Variants in MSANTD2 observed in about 807,000 individuals in gnomAD.
MSANTD2 encodes myb/SANT-like DNA-binding domain-containing protein 2.
MSANTD2 carries 19 observed loss-of-function variants against 52.6 expected under a neutral mutation model. That is an observed-to-expected ratio of 0.36 (90% CI 0.25 to 0.53). MSANTD2 has a LOEUF of 0.53. Among genes scored for constraint, MSANTD2 ranks in the 20% least tolerant of loss-of-function variants. The pLI, the probability that MSANTD2 is intolerant of heterozygous loss-of-function variation, is 0.91. For missense variants in MSANTD2, 558 were observed against 716.3 expected (o/e 0.78, Z 2.52); for synonymous variants, 291 against 289.7 (o/e 1.00, Z -0.04).
At chr11:124,799,544 G>C (rs980370514) in intron 1 of MSANTD2, among the ~76,000 whole-genome samples, 2 of 152,208 alleles carry the variant, frequency 1.3e-5, no homozygotes, top group East Asian at 3.9e-4. Flanking sequence ...CCCCGGCGGT[G>C]GGGGCAAGAG....
chr11:124,772,742 CAAAAAAAAAAAAAAA>C (rs57859579), intron 3 of MSANTD2, among the ~76,000 whole-genome samples: 2 of 57,926 alleles, frequency 3.5e-5, no homozygotes, highest in African/African-American at 4.2e-5. Context: ...GATTCCGTCT[CAAAAAAAAAAAAAAA>C]AAAAAAAAAA....
At chr11:124,777,560 G>C (rs903175043) in intron 1 of MSANTD2, among the ~76,000 whole-genome samples, 19 of 152,322 alleles carry the variant, frequency 1.2e-4, no homozygotes, top group African/African-American at 4.3e-4. Context: ...GAAACTAGCA[G>C]TATCTAATGG....
At position 124,785,899 on chromosome 11, in the gene MSANTD2, G is replaced by A. The variant is rs548623080; in HGVS notation, c.511-10925C>T. 1.3e-4 allele frequency among the ~76,000 whole-genome samples: 19 copies of A among 151,860 alleles called. 1 individual carries two copies. The highest frequency in any genetic ancestry group is 4.1e-4 in the African/African-American group (17 of 41,454). Reference sequence around the variant, plus strand: ...GAGCTTATCCAAAGTCACTTTCAGTGTCTTTAATGTAAGTTCATCTTTGGT... The same window carrying A: ...GAGCTTATCCAAAGTCACTTTCAGTATCTTTAATGTAAGTTCATCTTTGGT... On this transcript the variant is annotated intron_variant, in intron 1 of 3. Coordinates refer to ENST00000374979, the MANE Select transcript of MSANTD2 (RefSeq NM_001308027.2).
intron 1 of MSANTD2, chr11:124,789,756 G>A (rs899443098): frequency 2.0e-5 from 3 of 152,152 alleles, no homozygotes; most frequent in South Asian, 2.1e-4. Context: ...TAGAACAATC[G>A]GAGGGGAGGG....
intron 3 of MSANTD2, among the ~76,000 whole-genome samples, chr11:124,768,774 A>G (rs946220813): frequency 2.0e-5 from 3 of 152,230 alleles, no homozygotes; most frequent in African/African-American, 7.2e-5. Context: ...ACTGTTCTAG[A>G]AAACCCTTTA....
chr11:124,767,084 G>C lies in MSANTD2; in HGVS notation c.*92C>G, dbSNP rs1409542208. On this transcript the variant is annotated 3_prime_UTR_variant, in exon 4 of 4. Coordinates refer to ENST00000374979, the MANE Select transcript of MSANTD2 (RefSeq NM_001308027.2). The surrounding 1 kb of genome is among the most constrained non-coding windows in gnomAD (Gnocchi z 6.5). ...AAGAAAGGGTTTCCATGAAGAGTCTGACGGCGGCATCTGGATGAGGGGTGG... is the reference window on the plus strand; with the variant it reads ...AAGAAAGGGTTTCCATGAAGAGTCTCACGGCGGCATCTGGATGAGGGGTGG... 1 of 1,279,510 alleles carries C rather than the reference G, an allele frequency of 7.8e-7. No individual in the cohort carries two copies. Among genetic ancestry groups the C allele is most frequent in the African/African-American group, 1.5e-5 (1 of 66,744 alleles). The allele number at this position is 1,279,510 out of a possible 1,614,324, so 79.3% of individuals were successfully genotyped here.
intron 3 of MSANTD2, among the ~76,000 whole-genome samples, chr11:124,769,410 A>G (rs967525973): frequency 4.6e-5 from 7 of 152,194 alleles, no homozygotes; most frequent in Non-Finnish European, 8.8e-5. Context: ...CTCTTCTCAG[A>G]GGAGACAAAA....
chr11:124,793,638 T>C (rs960444346), intron 1 of MSANTD2, among the ~76,000 whole-genome samples: 3 of 152,188 alleles, frequency 2.0e-5, no homozygotes, highest in Non-Finnish European at 4.4e-5. Flanking sequence ...TGGCTAGTAA[T>C]GCCGTACTGG....
At chr11:124,768,717 A>C (rs994148761) in intron 3 of MSANTD2, among the ~76,000 whole-genome samples, 18 of 152,250 alleles carry the variant, frequency 1.2e-4, no homozygotes, top group African/African-American at 4.3e-4. Flanking sequence ...AAAGGCTCAC[A>C]TTAGGCTTAG....
chr11:124,779,642 T>TTA lies in MSANTD2; in HGVS notation c.511-4670_511-4669dup, dbSNP rs1268609106. Among the ~76,000 whole-genome samples the TTA allele has an allele frequency of 6.6e-6, 1 of 152,192 alleles. No individual in the cohort carries two copies. Among genetic ancestry groups the TTA allele is most frequent in the Admixed American group, 6.5e-5 (1 of 15,272 alleles). On this transcript the variant is annotated intron_variant, in intron 1 of 3. Transcript: ENST00000374979. This position sits in a 1 kb window ranked among gnomAD's most constrained non-coding sequence, Gnocchi z 4.6. ...AAAGTCAATCTGCAAGGAGGACAGCTTAGTTATAATAGCAGGAAACAATGT... is the reference window on the plus strand; with the variant it reads ...AAAGTCAATCTGCAAGGAGGACAGCTTATAGTTATAATAGCAGGAAACAATGT...
chr11:124,794,316 T>C (rs752271053), intron 1 of MSANTD2, among the ~76,000 whole-genome samples: 3 of 152,266 alleles, frequency 2.0e-5, no homozygotes, highest in South Asian at 2.1e-4. Context: ...ATGTGCTTCT[T>C]AGCTCCTTTC....
chr11:124,772,898 G>A (rs908411591), intron 3 of MSANTD2, 96 bp downstream of exon 3: 23 of 796,524 alleles, frequency 2.9e-5, no homozygotes, highest in South Asian at 1.8e-4. Flanking sequence ...GTGAATGGCC[G>A]GAACTTTCAT....
In MSANTD2 at chr11:124,800,393, C is replaced by T. The variant is rs1453426900; in HGVS notation, c.-13G>A. The T allele has an allele frequency of 2.0e-6, 3 of 1,478,282 alleles. No individual in the cohort carries two copies. Among genetic ancestry groups the T allele is most frequent in the Non-Finnish European group, 2.7e-6 (3 of 1,111,904 alleles). 91.6% of individuals were successfully genotyped at this position (1,478,282 alleles called of 1,614,324 possible). A position where few individuals can be genotyped will look rare whatever the true frequency, so the allele number is the denominator to read the frequency against. ...AGGGCGCAGCCATCTTCCAAGCGGC[C>T]GCCGCTGCACCGCCCGGAAGTGACG... is the stretch of plus-strand genomic sequence containing the variant. On this transcript the variant is annotated 5_prime_UTR_variant, in exon 1 of 4. Transcript: ENST00000374979. The surrounding 1 kb of genome is among the most constrained non-coding windows in gnomAD (Gnocchi z 4.3).
At position 124,779,033 on chromosome 11, in the gene MSANTD2, A is replaced by G. The variant is rs1944851780; in HGVS notation, c.511-4059T>C. On this transcript the variant is annotated intron_variant, in intron 1 of 3. Transcript: ENST00000374979. This position sits in a 1 kb window ranked among gnomAD's most constrained non-coding sequence, Gnocchi z 4.6. Reference sequence around the variant, plus strand: ...GTAAGTAAATCCAGTATTGGGTTGTATAAGCAGAGGAATCACATGTAAGCT... The same window carrying G: ...GTAAGTAAATCCAGTATTGGGTTGTGTAAGCAGAGGAATCACATGTAAGCT... The G allele has an allele frequency of 6.6e-6, 1 of 152,226 alleles. No individual in the cohort carries two copies. The highest frequency in any genetic ancestry group is 1.5e-5 in the Non-Finnish European group (1 of 68,070). 9.4% of individuals were successfully genotyped at this position (152,226 alleles called of 1,614,324 possible). A position where few individuals can be genotyped will look rare whatever the true frequency, so the allele number is the denominator to read the frequency against.
chr11:124,783,988 T>A, intron 1 of MSANTD2: 1 of 985,324 alleles, frequency 1.0e-6, no homozygotes. Flanking sequence ...GGTACAAGAA[T>A]CCTTCAAGAC....
chr11:124,772,869 G>T, intron 3 of MSANTD2, 125 bp downstream of exon 3: 4 of 597,528 alleles, frequency 6.7e-6, no homozygotes, highest in South Asian at 3.4e-5. Flanking sequence ...TCTAAAGAAT[G>T]AATAGACATG....
At chr11:124,769,800 C>CTA (rs1464483610) in intron 3 of MSANTD2, among the ~76,000 whole-genome samples, 6 of 152,204 alleles carry the variant, frequency 3.9e-5, no homozygotes, top group Middle Eastern at 3.2e-3. Flanking sequence ...GGCACTAATG[C>CTA]TATAGTCAGA....
At chr11:124,790,816 A>C (rs939890900) in intron 1 of MSANTD2, 2 of 168,096 alleles carry the variant, frequency 1.2e-5, no homozygotes, top group Non-Finnish European at 2.5e-5. Context: ...TTCACCCTTT[A>C]TCTCAAAGCT....
At chr11:124,795,261 C>G (rs377425573) in intron 1 of MSANTD2, among the ~76,000 whole-genome samples, 3 of 152,192 alleles carry the variant, frequency 2.0e-5, no homozygotes, top group Non-Finnish European at 4.4e-5. Context: ...ATTCAATCAC[C>G]TTGCATTTCA....
Sources: gnomAD v4.1 joint callset for allele counts (sites outside exome capture counted in the v4.1 genomes callset) on GRCh38, gnomAD v4.1.1 for gene constraint, Gnocchi (gnomAD v3.1) non-coding constraint, MANE v1.5 for transcripts, NCBI Gene and HGNC (gene_info 2026-07-23, HGNC 2026-07-21) for gene names.